The following CHI3L1 variants were observed in gnomAD, a reference collection of about 807,000 sequenced individuals.
The protein encoded by CHI3L1 is chitinase-3-like protein 1.
Under a neutral mutation model 40.7 loss-of-function variants are expected in CHI3L1, and 30 were observed. The observed-to-expected ratio is 0.74, with a 90% CI of 0.55 to 1.00. CHI3L1 has a LOEUF of 1.00. Ranked by LOEUF, CHI3L1 falls within the 50% of genes least tolerant of loss-of-function variation. The pLI, the probability that CHI3L1 is intolerant of heterozygous loss-of-function variation, is 0.00. For missense variants in CHI3L1, 493 were observed against 492.2 expected (o/e 1.00, Z -0.01); for synonymous variants, 210 against 192.1 (o/e 1.09, Z -0.77).
Position 203,179,040 on chromosome 1 carries a change from G to C in CHI3L1, c.*405C>G, listed in dbSNP as rs114943381. Reference sequence around the variant, plus strand: ...GAAGGTTTCAAGCTGGGCTTTGCAGGGGGTATAATTAGTATGGTCACTGTG... The same window carrying C: ...GAAGGTTTCAAGCTGGGCTTTGCAGCGGGTATAATTAGTATGGTCACTGTG... On this transcript the variant is annotated 3_prime_UTR_variant, in exon 10 of 10. Transcript: ENST00000255409. The C allele has an allele frequency of 6.2e-6, 1 of 162,460 alleles. No homozygotes were observed. Among genetic ancestry groups the C allele is most frequent in the Non-Finnish European group, 1.3e-5 (1 of 74,770 alleles). The allele number at this position is 162,460 out of a possible 1,614,324, so 10.1% of individuals were successfully genotyped here. A position where few individuals can be genotyped will look rare whatever the true frequency, so the allele number is the denominator to read the frequency against.
In CHI3L1 at chr1:203,184,630, T is replaced by C. The variant is rs200974099; in HGVS notation, c.260A>G (p.Asn87Ser). ...AGACAAGAGAGTCTTCAGGTTGGGGTTCCTGTGGAGCACAGGGAGGTGGGG... is the reference window on the plus strand; with the variant it reads ...AGACAAGAGAGTCTTCAGGTTGGGGCTCCTGTGGAGCACAGGGAGGTGGGG... The part of the protein sequence containing the change: ...YGMLNTLKNR[N>S]PNLKTLLSVG... The change falls in exon 4 of 10, where the codon AAC (asparagine) becomes AGC (serine). Residue 87 changes from asparagine (N) to serine (S), a missense_variant and splice_region_variant. Physicochemically the swap from Asn to Ser is conservative, Grantham distance 46. Coordinates refer to ENST00000255409, the MANE Select transcript of CHI3L1 (RefSeq NM_001276.4). 3.1e-6 allele frequency: 5 copies of C among 1,613,874 alleles called. No individual in the cohort carries two copies. The highest frequency in any genetic ancestry group is 4.2e-6 in the Non-Finnish European group (5 of 1,179,820).
chr1:203,183,027 T>C (rs554207006), intron 5 of CHI3L1, among the ~76,000 whole-genome samples, 175 bp from the exon 6 acceptor site: 1 of 152,200 alleles, frequency 6.6e-6, no homozygotes, highest in East Asian at 1.9e-4. Context: ...TCACCCATCC[T>C]TTTCCTAAAA....
Position 203,179,515 on chromosome 1 carries a change from C to A in CHI3L1, c.1082G>T (p.Gly361Val). The A allele has an allele frequency of 6.3e-7, 1 of 1,590,288 alleles. No homozygotes were observed. Among genetic ancestry groups the A allele is most frequent in the Non-Finnish European group, 8.6e-7 (1 of 1,166,268 alleles). The change falls in exon 10 of 10, where the codon GGC becomes GTC. Residue 361 changes from glycine (G) to valine (V), a missense_variant. Transcript: ENST00000255409. ...VWALDLDDFQ[G>V]SFCGQDLRFP... ...GCGCAGATCCTGGCCACAGAAGGAG[C>A]CCTGGAAGTCATCCAGGTCCAGGGC... is the stretch of plus-strand genomic sequence containing the variant.
intron 5 of CHI3L1, 77 bp from the exon 6 acceptor site, chr1:203,182,929 C>A (rs1462654684): frequency 2.0e-6 from 3 of 1,488,896 alleles, no homozygotes; most frequent in South Asian, 2.4e-5. Context: ...CGGACTAGGT[C>A]TCTGCGCAAC....
intron 3 of CHI3L1, 80 bp from the exon 4 acceptor site, chr1:203,184,712 C>T: frequency 4.0e-6 from 5 of 1,254,010 alleles, no homozygotes; most frequent in Non-Finnish European, 5.9e-6. Flanking sequence ...TCTGAGAGGC[C>T]ATAGAAGGTT....
intron 7 of CHI3L1, 119 bp from the exon 8 acceptor site, chr1:203,180,771 G>A (rs1655919444): frequency 2.8e-6 from 2 of 719,684 alleles, no homozygotes; most frequent in African/African-American, 3.7e-5. Context: ...GGATTCCCCT[G>A]TCCCTCCGGG....
Position 203,183,724 on chromosome 1 carries a change from G to A in CHI3L1, c.382C>T (p.Arg128Cys), listed in dbSNP as rs367636349. The A allele has an allele frequency of 5.4e-5, 87 of 1,614,066 alleles. No individual in the cohort carries two copies. The East Asian group carries it at 8.0e-4, about 15-fold the overall frequency. The change falls in exon 5 of 10, where the codon CGC (arginine) becomes TGC (cysteine). Residue 128 changes from arginine (R) to cysteine (C), a missense_variant. By Grantham distance (180) the Arg-to-Cys change is radical. Transcript: ENST00000255409. ...TCCAGCCCATCAAAGCCATGGGTGC[G>A]CAGAAATGGCGGTACTGACTTGATG... The part of the protein sequence containing the change: ...TFIKSVPPFL[R>C]THGFDGLDLA...
At chr1:203,180,328 C>T (rs1655907445) in intron 8 of CHI3L1, 142 bp downstream of exon 8, 2 of 766,830 alleles carry the variant, frequency 2.6e-6, no homozygotes, top group Non-Finnish European at 2.1e-6. Flanking sequence ...TAACCTCTCC[C>T]TTCCACTTCC....
chr1:203,185,221 C>T lies in CHI3L1; in HGVS notation c.220G>A (p.Val74Met), dbSNP rs780260844. Residue 74 changes from valine to methionine, a missense_variant, in exon 3 of 10, where the codon GTG becomes ATG. Val to Met is a conservative substitution (Grantham distance 21, BLOSUM62 1). Coordinates refer to ENST00000255409, the MANE Select transcript of CHI3L1 (RefSeq NM_001276.4). ...DHIDTWEWNDVTLYGMLNTLK... is the reference protein window; with the variant it reads ...DHIDTWEWNDMTLYGMLNTLK... ...GTGTTGAGCATGCCGTAGAGCGTCA[C>T]ATCATTCCACTCCCAGGTGTCGATG... 6.2e-7 allele frequency: 1 copy of T among 1,614,176 alleles called. No homozygotes were observed. Among genetic ancestry groups the T allele is most frequent in the East Asian group, 2.2e-5 (1 of 44,872 alleles).
At chr1:203,182,586 T>C in intron 6 of CHI3L1, 145 bp downstream of exon 6, 1 of 866,640 alleles carries the variant, frequency 1.2e-6, no homozygotes, top group South Asian at 1.6e-5. Flanking sequence ...AGTGACTTGC[T>C]CAAGGTCACA....
Position 203,186,604 on chromosome 1 carries a change from T to C in CHI3L1, c.20A>G (p.Gln7Arg). The C allele has an allele frequency of 1.2e-6, 2 of 1,614,090 alleles. No homozygotes were observed. The highest frequency in any genetic ancestry group is 1.1e-5 in the South Asian group (1 of 91,064). The change falls in exon 1 of 10, where the codon CAA becomes CGA. Residue 7 changes from glutamine to arginine, a missense_variant. Transcript: ENST00000255409. ...ACCTTGGCTAGCCCAGATACCTGTT[T>C]GAGACGCCTTCACACCCATTCTGGC... MGVKAS[Q>R]TGFVVLVLLQ...
At chr1:203,180,417 C>T in intron 8 of CHI3L1, 53 bp downstream of exon 8, 1 of 1,462,750 alleles carries the variant, frequency 6.8e-7, no homozygotes, top group East Asian at 2.5e-5. Flanking sequence ...AATCACCTTC[C>T]CCAGGGCTGC....
intron 7 of CHI3L1, among the ~76,000 whole-genome samples, 177 bp from the exon 8 acceptor site, chr1:203,180,829 A>C (rs537690096): frequency 6.6e-6 from 1 of 152,380 alleles, no homozygotes; most frequent in South Asian, 2.1e-4. Context: ...CATTCTTGAA[A>C]AAAATCCTTT....
At chr1:203,181,575 G>A (rs7539590) in intron 6 of CHI3L1, 59,174 of 239,708 alleles carry the variant, frequency 0.25, 10,208 homozygotes, top group African/African-American at 0.52. Context: ...ACTGCACTCC[G>A]GCCTGGGCAA....
At chr1:203,186,410 C>A (rs539766707) in intron 1 of CHI3L1, 65 bp from the exon 2 acceptor site, 5 of 1,563,086 alleles carry the variant, frequency 3.2e-6, no homozygotes, top group Admixed American at 3.8e-5. Flanking sequence ...GCTCCCTCCC[C>A]CAAGCAACTG....
intron 7 of CHI3L1, 82 bp from the exon 8 acceptor site, chr1:203,180,734 AG>A (rs1655918659): frequency 2.8e-6 from 3 of 1,054,878 alleles, no homozygotes; most frequent in Admixed American, 2.7e-5. Flanking sequence ...CTGCCTTAGC[AG>A]GGGTTATTGG....
At position 203,180,671 on chromosome 1, in the gene CHI3L1, G is replaced by GGGGA; in HGVS notation, c.712-20_712-19insTCCC. On this transcript the variant is annotated intron_variant, in intron 7 of 9. Transcript: ENST00000255409. ...CATAGTCCTGGGTGGGGTAGGGTGG[G>GGGGA]AACAACGTGAGCAGTTAGTGCACAG... is the stretch of plus-strand genomic sequence containing the variant. 1.4e-6 allele frequency: 1 copy of GGGGA among 728,550 alleles called. No individual in the cohort carries two copies. The allele number at this position is 728,550 out of a possible 1,614,324, so 45.1% of individuals were successfully genotyped here. A position where few individuals can be genotyped will look rare whatever the true frequency, so the allele number is the denominator to read the frequency against.
In CHI3L1 at chr1:203,185,258, T is replaced by G; in HGVS notation, c.183A>C (p.Ile61=). Residue 61 remains isoleucine, a synonymous_variant, in exon 3 of 10, where the codon ATA becomes ATC. Coordinates refer to ENST00000255409, the MANE Select transcript of CHI3L1 (RefSeq NM_001276.4). ...CCCAGGTGTCGATGTGATCGTTGCT[T>G]ATATTGGCAAAGCTGTAGATGATGT... The part of the protein sequence containing the change: ...CTHIIYSFAN[I]SNDHIDTWEW... 1 of 1,614,126 alleles carries G rather than the reference T, an allele frequency of 6.2e-7. No individual in the cohort carries two copies.
At chr1:203,183,065 T>G (rs2297840) in intron 5 of CHI3L1, among the ~76,000 whole-genome samples, 1,593 of 152,226 alleles carry the variant, frequency 0.01, 38 homozygotes, top group East Asian at 0.09. Context: ...CCCAAACCCA[T>G]GCACACCCAT....
Sources: allele counts gnomAD v4.1 joint callset (sites outside exome capture counted in the v4.1 genomes callset), GRCh38; gene constraint gnomAD v4.1.1; transcripts MANE v1.5; gene names NCBI Gene and HGNC (gene_info 2026-07-23, HGNC 2026-07-21).